The following C19orf85 variants were observed in gnomAD, a reference collection of about 807,000 sequenced individuals.
C19orf85 encodes chromosome 19 open reading frame 85.
At position 55,463,909 on chromosome 19, in the gene C19orf85, C is replaced by G; in HGVS notation, c.232G>C (p.Glu78Gln). ...AGCGAGGGTCTCTGGGGAGGTGCCT[C>G]CTGGGACAGGATGGAGAGGGCCAGG... ...QRLALSILSQ[E>Q]APPQRPSLQK... Residue 78 changes from glutamate to glutamine, a missense_variant, in exon 2 of 2, where the codon GAG becomes CAG. Coordinates refer to ENST00000635964, the MANE Select transcript of C19orf85 (RefSeq NM_001386794.1). The surrounding 1 kb of genome is among the most constrained non-coding windows in gnomAD (Gnocchi z 4.9). The G allele has an allele frequency of 2.5e-6, 1 of 399,006 alleles. No homozygotes were observed. 24.7% of individuals were successfully genotyped at this position (399,006 alleles called of 1,614,324 possible).
At position 55,463,209 on chromosome 19, in the gene C19orf85, TGA is replaced by T. The variant is rs1986296112; in HGVS notation, c.*261_*262del. 2 of 378,448 alleles carry T rather than the reference TGA, an allele frequency of 5.3e-6. No homozygotes were observed. The highest frequency in any genetic ancestry group is 2.1e-5 in the African/African-American group (1 of 47,990). 23.4% of individuals were successfully genotyped at this position (378,448 alleles called of 1,614,324 possible). On this transcript the variant is annotated 3_prime_UTR_variant, in exon 2 of 2. Coordinates refer to ENST00000635964, the MANE Select transcript of C19orf85 (RefSeq NM_001386794.1). This position sits in a 1 kb window ranked among gnomAD's most constrained non-coding sequence, Gnocchi z 4.9. ...GACATTAGGCAGAGGTGAGCCTGGG[TGA>T]GAGTGAGGGGTGGATGCCCAGATGG...
Position 55,463,826 on chromosome 19 carries a change from G to C in C19orf85, c.315C>G (p.Ala105=), listed in dbSNP as rs1986310481. 5.0e-6 allele frequency: 2 copies of C among 398,982 alleles called. No homozygotes were observed. The highest frequency in any genetic ancestry group is 8.8e-6 in the Non-Finnish European group (2 of 226,432). 24.7% of individuals were successfully genotyped at this position (398,982 alleles called of 1,614,324 possible). The part of the protein sequence containing the change: ...SPFLGVACAV[A]PTEAPHASAS... Reference sequence around the variant, plus strand: ...CGCTGGCATGGGGAGCCTCAGTGGGGGCCACAGCACAGGCCACTCCCAGGA... The same window carrying C: ...CGCTGGCATGGGGAGCCTCAGTGGGCGCCACAGCACAGGCCACTCCCAGGA... Residue 105 remains alanine, a synonymous_variant, in exon 2 of 2, where the codon GCC becomes GCG. Transcript: ENST00000635964. The surrounding 1 kb of genome is among the most constrained non-coding windows in gnomAD (Gnocchi z 4.9).
rs1448826275 is a variant in C19orf85, at chr19:55,463,108, A to G, written c.*364T>C. On this transcript the variant is annotated 3_prime_UTR_variant, in exon 2 of 2. Coordinates refer to ENST00000635964, the MANE Select transcript of C19orf85 (RefSeq NM_001386794.1). This position sits in a 1 kb window ranked among gnomAD's most constrained non-coding sequence, Gnocchi z 4.9. ...TCCCGTCTGCCTCGTTCACAGCTGA[A>G]TCCTCAAGTCCTAGACCTGGGCCTG... 1 of 220,252 alleles carries G rather than the reference A, an allele frequency of 4.5e-6. No individual in the cohort carries two copies. The highest frequency in any genetic ancestry group is 8.8e-6 in the Non-Finnish European group (1 of 113,066). 13.6% of individuals were successfully genotyped at this position (220,252 alleles called of 1,614,324 possible).
chr19:55,464,361 C>T (rs1986321081), intron 1 of C19orf85, 21 bp downstream of exon 1: 1 of 398,538 alleles, frequency 2.5e-6, no homozygotes, highest in Admixed American at 4.4e-5. Context: ...CCGTGCCCAC[C>T]TTCCCCACCA....
chr19:55,464,155 G>A (rs1457436703), intron 1 of C19orf85, among the ~76,000 whole-genome samples, 188 bp from the exon 2 acceptor site: 2 of 152,108 alleles, frequency 1.3e-5, no homozygotes, highest in African/African-American at 2.4e-5. Context: ...CTGACCGTCC[G>A]CCACCCCCAT....
rs982037157 is a variant in C19orf85, at chr19:55,463,547, C to T, written c.594G>A (p.Trp198Ter). 1 of 398,506 alleles carries T rather than the reference C, an allele frequency of 2.5e-6. No individual in the cohort carries two copies. Among genetic ancestry groups the T allele is most frequent in the African/African-American group, 2.1e-5 (1 of 48,604 alleles). The allele number at this position is 398,506 out of a possible 1,614,324, so 24.7% of individuals were successfully genotyped here. Residue 198 changes from tryptophan (W) to a stop codon, truncating the protein, a stop_gained, in exon 2 of 2, where the codon TGG becomes TGA. Coordinates refer to ENST00000635964, the MANE Select transcript of C19orf85 (RefSeq NM_001386794.1). LOFTEE classifies it low-confidence loss of function (END_TRUNC). The surrounding 1 kb of genome is among the most constrained non-coding windows in gnomAD (Gnocchi z 4.9). ...CACGAGGCACCTCCCAGCAGTCCAC[C>T]CAACCCCAGTCGGGAGCCACGAGAT... is the stretch of plus-strand genomic sequence containing the variant. Reference protein sequence around the residue: ...EADLVAPDWGWVDCWEVPRAW... With the variant: ...EADLVAPDWG
At position 55,463,677 on chromosome 19, in the gene C19orf85, G is replaced by C. The variant is rs1020407644; in HGVS notation, c.464C>G (p.Ala155Gly). Reference sequence around the variant, plus strand: ...CAGGTCGCGATGGGACAGACCCGGCGCTGGCAGGGGAGCATCAGAACCAGA... The same window carrying C: ...CAGGTCGCGATGGGACAGACCCGGCCCTGGCAGGGGAGCATCAGAACCAGA... ...PSSGSDAPLP[A>G]PGLSHRDLGQ... Residue 155 changes from alanine (A) to glycine (G), a missense_variant, in exon 2 of 2, where the codon GCG (alanine) becomes GGG (glycine). Physicochemically the swap from Ala to Gly is moderately conservative, Grantham distance 60. Transcript: ENST00000635964. The surrounding 1 kb of genome is among the most constrained non-coding windows in gnomAD (Gnocchi z 4.9). 5.0e-6 allele frequency: 2 copies of C among 398,700 alleles called. No individual in the cohort carries two copies. Among genetic ancestry groups the C allele is most frequent in the African/African-American group, 4.1e-5 (2 of 48,630 alleles). The allele number at this position is 398,700 out of a possible 1,614,324, so 24.7% of individuals were successfully genotyped here. A position where few individuals can be genotyped will look rare whatever the true frequency, so the allele number is the denominator to read the frequency against.
In C19orf85 at chr19:55,464,713, A is replaced by G. The variant is rs1016176098; in HGVS notation, c.-159T>C. ...GGCCAAGGCCTCCCCACTGTGCCCT[A>G]ACCCTGTCCCCACCTCCCAGGAGCC... On this transcript the variant is annotated 5_prime_UTR_variant, in exon 1 of 2. Coordinates refer to ENST00000635964, the MANE Select transcript of C19orf85 (RefSeq NM_001386794.1). 1 of 396,392 alleles carries G rather than the reference A, an allele frequency of 2.5e-6. No individual in the cohort carries two copies. The allele number at this position is 396,392 out of a possible 1,614,324, so 24.6% of individuals were successfully genotyped here. A position where few individuals can be genotyped will look rare whatever the true frequency, so the allele number is the denominator to read the frequency against.
Position 55,463,900 on chromosome 19 carries a change from G to A in C19orf85, c.241C>T (p.Pro81Ser). The change falls in exon 2 of 2, where the codon CCC (proline) becomes TCC (serine). Residue 81 changes from proline (P) to serine (S), a missense_variant. By Grantham distance (74) the Pro-to-Ser change is moderately conservative. Coordinates refer to ENST00000635964, the MANE Select transcript of C19orf85 (RefSeq NM_001386794.1). This position sits in a 1 kb window ranked among gnomAD's most constrained non-coding sequence, Gnocchi z 4.9. ...GGCTTTTGGAGCGAGGGTCTCTGGG[G>A]AGGTGCCTCCTGGGACAGGATGGAG... ...ALSILSQEAP[P>S]QRPSLQKPPP... 1 of 399,098 alleles carries A rather than the reference G, an allele frequency of 2.5e-6. No individual in the cohort carries two copies. Among genetic ancestry groups the A allele is most frequent in the Non-Finnish European group, 4.4e-6 (1 of 226,440 alleles). The allele number at this position is 399,098 out of a possible 1,614,324, so 24.7% of individuals were successfully genotyped here.
chr19:55,463,250 GA>G lies in C19orf85; in HGVS notation c.*221del. 1 of 395,942 alleles carries G rather than the reference GA, an allele frequency of 2.5e-6. No homozygotes were observed. Among genetic ancestry groups the G allele is most frequent in the East Asian group, 3.6e-5 (1 of 27,942 alleles). The allele number at this position is 395,942 out of a possible 1,614,324, so 24.5% of individuals were successfully genotyped here. A position where few individuals can be genotyped will look rare whatever the true frequency, so the allele number is the denominator to read the frequency against. On this transcript the variant is annotated 3_prime_UTR_variant, in exon 2 of 2. Transcript: ENST00000635964. This position sits in a 1 kb window ranked among gnomAD's most constrained non-coding sequence, Gnocchi z 4.9. Reference sequence around the variant, plus strand: ...ATGCCCAGATGGGGCTAGGCAGAAGGAAGGGGGAAGGCAGGAAAGCAAGAAG... The same window carrying G: ...ATGCCCAGATGGGGCTAGGCAGAAGGAGGGGGAAGGCAGGAAAGCAAGAAG...
In C19orf85 at chr19:55,463,140, A is replaced by G. The variant is rs1021118071; in HGVS notation, c.*332T>C. On this transcript the variant is annotated 3_prime_UTR_variant, in exon 2 of 2. Coordinates refer to ENST00000635964, the MANE Select transcript of C19orf85 (RefSeq NM_001386794.1). This position sits in a 1 kb window ranked among gnomAD's most constrained non-coding sequence, Gnocchi z 4.9. ...AGTCCTAGACCTGGGCCTGGCCCAT[A>G]GTAGGCGCTCGATACATCTTTGGGA... The G allele has an allele frequency of 1.6e-5, 4 of 255,354 alleles. No homozygotes were observed. Among genetic ancestry groups the G allele is most frequent in the Admixed American group, 5.5e-5 (1 of 18,110 alleles). 15.8% of individuals were successfully genotyped at this position (255,354 alleles called of 1,614,324 possible). A position where few individuals can be genotyped will look rare whatever the true frequency, so the allele number is the denominator to read the frequency against.
At position 55,463,920 on chromosome 19, in the gene C19orf85, A is replaced by T; in HGVS notation, c.221T>A (p.Ile74Asn). Residue 74 changes from isoleucine (I) to asparagine (N), a missense_variant, in exon 2 of 2, where the codon ATC becomes AAC. Coordinates refer to ENST00000635964, the MANE Select transcript of C19orf85 (RefSeq NM_001386794.1). The surrounding 1 kb of genome is among the most constrained non-coding windows in gnomAD (Gnocchi z 4.9). ...CTGGGGAGGTGCCTCCTGGGACAGG[A>T]TGGAGAGGGCCAGGCGCTGGGTGGC... ...EAATQRLALS[I>N]LSQEAPPQRP... is the part of the protein sequence containing the mutation. The T allele has an allele frequency of 2.5e-6, 1 of 398,928 alleles. No homozygotes were observed. The allele number at this position is 398,928 out of a possible 1,614,324, so 24.7% of individuals were successfully genotyped here.
In C19orf85 at chr19:55,463,990, G is replaced by C; in HGVS notation, c.174-23C>G. The stretch of plus-strand genomic sequence containing the variant: ...TGCCTGTAAAGACAGATGTGAGCAG[G>C]CTGGTCTCTAACGCCTGAACTCAAG... On this transcript the variant is annotated intron_variant, in intron 1 of 1. Transcript: ENST00000635964. The surrounding 1 kb of genome is among the most constrained non-coding windows in gnomAD (Gnocchi z 4.9). 2.5e-6 allele frequency: 1 copy of C among 398,138 alleles called. No individual in the cohort carries two copies. The allele number at this position is 398,138 out of a possible 1,614,324, so 24.7% of individuals were successfully genotyped here.
chr19:55,463,846 C>G lies in C19orf85; in HGVS notation c.295G>C (p.Gly99Arg). The change falls in exon 2 of 2, where the codon GGA (glycine) becomes CGA (arginine). Residue 99 changes from glycine (G) to arginine (R), a missense_variant. By Grantham distance (125) the Gly-to-Arg change is moderately radical. Transcript: ENST00000635964. This position sits in a 1 kb window ranked among gnomAD's most constrained non-coding sequence, Gnocchi z 4.9. ...GTGGGGGCCACAGCACAGGCCACTC[C>G]CAGGAAGGGGGATGGAGGCGGTGGG... ...PPPPPPSPFLGVACAVAPTEA... is the reference protein window; with the variant it reads ...PPPPPPSPFLRVACAVAPTEA... 1 of 399,082 alleles carries G rather than the reference C, an allele frequency of 2.5e-6. No individual in the cohort carries two copies. Among genetic ancestry groups the G allele is most frequent in the Non-Finnish European group, 4.4e-6 (1 of 226,434 alleles). 24.7% of individuals were successfully genotyped at this position (399,082 alleles called of 1,614,324 possible).
rs1986297230 is a variant in C19orf85, at chr19:55,463,275, A to G, written c.*197T>C. The G allele has an allele frequency of 1.0e-5, 4 of 397,000 alleles. No homozygotes were observed. Among genetic ancestry groups the G allele is most frequent in the Non-Finnish European group, 1.8e-5 (4 of 225,724 alleles). The allele number at this position is 397,000 out of a possible 1,614,324, so 24.6% of individuals were successfully genotyped here. ...GAAGGGGGAAGGCAGGAAAGCAAGA[A>G]GAGGTGGAGGTGGGGCCCCTGGGCC... On this transcript the variant is annotated 3_prime_UTR_variant, in exon 2 of 2. Transcript: ENST00000635964. The surrounding 1 kb of genome is among the most constrained non-coding windows in gnomAD (Gnocchi z 4.9).
rs1237258245 is a variant in C19orf85, at chr19:55,463,507, CCT to C, written c.632_633del (p.Gln211ArgfsTer53). On this transcript the variant is annotated frameshift_variant, in exon 2 of 2. Coordinates refer to ENST00000635964, the MANE Select transcript of C19orf85 (RefSeq NM_001386794.1). LOFTEE classifies it low-confidence loss of function (END_TRUNC). The surrounding 1 kb of genome is among the most constrained non-coding windows in gnomAD (Gnocchi z 4.9). ...CTGGTCCCCCAACCCTCGGGGATCC[CCT>C]GAGAATCCCAGGCACGAGGCACCTC... ...CWEVPRAWDS[Q>X]GIPEGWGTSS... 2.5e-6 allele frequency: 1 copy of C among 398,586 alleles called. No homozygotes were observed. Among genetic ancestry groups the C allele is most frequent in the East Asian group, 3.6e-5 (1 of 28,072 alleles). The allele number at this position is 398,586 out of a possible 1,614,324, so 24.7% of individuals were successfully genotyped here. A position where few individuals can be genotyped will look rare whatever the true frequency, so the allele number is the denominator to read the frequency against.
Position 55,463,733 on chromosome 19 carries a change from T to C in C19orf85, c.408A>G (p.Pro136=). 2.5e-6 allele frequency: 1 copy of C among 398,716 alleles called. No individual in the cohort carries two copies. The highest frequency in any genetic ancestry group is 4.4e-6 in the Non-Finnish European group (1 of 226,200). The allele number at this position is 398,716 out of a possible 1,614,324, so 24.7% of individuals were successfully genotyped here. A position where few individuals can be genotyped will look rare whatever the true frequency, so the allele number is the denominator to read the frequency against. Residue 136 remains proline, a synonymous_variant, in exon 2 of 2, where the codon CCA becomes CCG. Coordinates refer to ENST00000635964, the MANE Select transcript of C19orf85 (RefSeq NM_001386794.1). The surrounding 1 kb of genome is among the most constrained non-coding windows in gnomAD (Gnocchi z 4.9). ...LDLFDNIALT[P]ECASMPWDPS... Reference sequence around the variant, plus strand: ...GGTCCCATGGCATTGAGGCACACTCTGGGGTGAGCGCAATGTTGTCAAAGA... The same window carrying C: ...GGTCCCATGGCATTGAGGCACACTCCGGGGTGAGCGCAATGTTGTCAAAGA...
chr19:55,463,350 T>G lies in C19orf85; in HGVS notation c.*122A>C, dbSNP rs1986298849. 1 of 398,076 alleles carries G rather than the reference T, an allele frequency of 2.5e-6. No individual in the cohort carries two copies. Among genetic ancestry groups the G allele is most frequent in the Non-Finnish European group, 4.4e-6 (1 of 226,244 alleles). 24.7% of individuals were successfully genotyped at this position (398,076 alleles called of 1,614,324 possible). On this transcript the variant is annotated 3_prime_UTR_variant, in exon 2 of 2. Transcript: ENST00000635964. This position sits in a 1 kb window ranked among gnomAD's most constrained non-coding sequence, Gnocchi z 4.9. ...GTCTGAAGTGGGGGTCTGGGTTGGT[T>G]TATTTTCCCAGGGGCTGCCAGGAAG... is the stretch of plus-strand genomic sequence containing the variant.
Position 55,463,600 on chromosome 19 carries a change from GA to G in C19orf85, c.540del (p.Gln182SerfsTer193). 2.5e-6 allele frequency: 1 copy of G among 398,706 alleles called. No individual in the cohort carries two copies. The highest frequency in any genetic ancestry group is 4.4e-6 in the Non-Finnish European group (1 of 226,130). The allele number at this position is 398,706 out of a possible 1,614,324, so 24.7% of individuals were successfully genotyped here. ...QVPHFCGPLP[L>X]PQHALGEEAD... Reference sequence around the variant, plus strand: ...GCCTCTTCCCCCAGGGCATGCTGGGGAAGGGGCAGGGGGCCGCAGAAATGTG... The same window carrying G: ...GCCTCTTCCCCCAGGGCATGCTGGGGAGGGGCAGGGGGCCGCAGAAATGTG... On this transcript the variant is annotated frameshift_variant, in exon 2 of 2. Coordinates refer to ENST00000635964, the MANE Select transcript of C19orf85 (RefSeq NM_001386794.1). LOFTEE classifies it low-confidence loss of function (END_TRUNC). The surrounding 1 kb of genome is among the most constrained non-coding windows in gnomAD (Gnocchi z 4.9).
Sources: gnomAD v4.1 joint callset for allele counts (sites outside exome capture counted in the v4.1 genomes callset) on GRCh38, gnomAD v4.1.1 for gene constraint, Gnocchi (gnomAD v3.1) non-coding constraint, MANE v1.5 for transcripts, NCBI Gene and HGNC (gene_info 2026-07-23, HGNC 2026-07-21) for gene names.